The following AFP variants were observed in gnomAD, a reference collection of about 807,000 sequenced individuals.
AFP encodes alpha fetoprotein.
Under a neutral mutation model 78.9 loss-of-function variants are expected in AFP, and 64 were observed. The ratio of observed to expected loss-of-function variants is 0.81; its 90% CI spans 0.66 to 1.00. The LOEUF (loss-of-function observed/expected upper bound fraction) is 1.00, where lower values mean the gene tolerates loss of function less well. Among genes scored for constraint, AFP ranks in the 50% least tolerant of loss-of-function variants. AFP has a pLI of 0.00. For missense variants in AFP, 689 were observed against 703.8 expected (o/e 0.98, Z 0.24); for synonymous variants, 254 against 243.8 (o/e 1.04, Z -0.39).
At chr4:73,448,435 A>G (rs2149335636) in intron 8 of AFP, among the ~76,000 whole-genome samples, 1 of 152,284 alleles carries the variant, frequency 6.6e-6, no homozygotes, top group East Asian at 1.9e-4. Flanking sequence ...TAGTAATAAA[A>G]ATAAAGGCCC....
chr4:73,454,576 T>C (rs557577683), intron 13 of AFP, among the ~76,000 whole-genome samples: 51 of 152,298 alleles, frequency 3.3e-4, no homozygotes, highest in Middle Eastern at 3.4e-3. Flanking sequence ...AAATCTTTAG[T>C]TTGTATTGCT....
intron 1 of AFP, 68 bp downstream of exon 1, chr4:73,436,415 T>A: frequency 3.3e-6 from 3 of 906,934 alleles, no homozygotes; most frequent in African/African-American, 1.7e-5. Flanking sequence ...AAATTTGCAT[T>A]AATTTGTCTT....
intron 3 of AFP, among the ~76,000 whole-genome samples, chr4:73,439,161 T>C (rs1246309105): frequency 1.3e-5 from 2 of 152,196 alleles, no homozygotes; most frequent in African/African-American, 2.4e-5. Flanking sequence ...TATTTCATTG[T>C]AGAAGCTCAA....
chr4:73,451,962 T>G (rs914223986), intron 11 of AFP, among the ~76,000 whole-genome samples: 1 of 152,236 alleles, frequency 6.6e-6, no homozygotes, highest in Non-Finnish European at 1.5e-5. Context: ...TAGCTGCAAG[T>G]GTATACATGT....
chr4:73,440,887 A>G, intron 4 of AFP, 74 bp downstream of exon 4: 1 of 1,378,896 alleles, frequency 7.3e-7, no homozygotes, highest in Admixed American at 2.0e-5. Flanking sequence ...GTATTTTTGC[A>G]ATGTACTCAT....
intron 3 of AFP, among the ~76,000 whole-genome samples, chr4:73,439,592 TC>T (rs1360982735): frequency 6.6e-6 from 1 of 152,176 alleles, no homozygotes; most frequent in East Asian, 1.9e-4. Flanking sequence ...ACGTAAGCCT[TC>T]CAGGATTCTC....
At chr4:73,437,244 G>A (rs1361593122) in intron 2 of AFP, 33 bp downstream of exon 2, 1 of 1,536,300 alleles carries the variant, frequency 6.5e-7, no homozygotes, top group Non-Finnish European at 9.0e-7. Flanking sequence ...TACTTTAAAT[G>A]TGTAAAGCAA....
Position 73,440,080 on chromosome 4 carries a change from G to A in AFP, c.271-522G>A, listed in dbSNP as rs796836924. On this transcript the variant is annotated intron_variant, in intron 3 of 14. Transcript: ENST00000395792. Reference sequence around the variant, plus strand: ...TTAAATTTAAATTTAAAGTTCTGGTGTACACGGGCAGGATGAGCAGGTCTG... The same window carrying A: ...TTAAATTTAAATTTAAAGTTCTGGTATACACGGGCAGGATGAGCAGGTCTG... Among the ~76,000 whole-genome samples, 15 of 152,118 alleles carry A rather than the reference G, an allele frequency of 9.9e-5. 1 individual carries two copies. Among genetic ancestry groups the A allele is most frequent in the African/African-American group, 3.6e-4 (15 of 41,488 alleles).
chr4:73,445,152 A>AT, intron 7 of AFP, 30 bp downstream of exon 7: 1 of 1,612,156 alleles, frequency 6.2e-7, no homozygotes, highest in Non-Finnish European at 8.5e-7. Context: ...AAAATAGAAG[A>AT]TTTTCACTCC....
intron 1 of AFP, 142 bp downstream of exon 1, chr4:73,436,489 A>C: frequency 1.8e-6 from 1 of 568,072 alleles, no homozygotes; most frequent in South Asian, 2.5e-5. Flanking sequence ...GATATATTTA[A>C]ATGAAAGATA....
Position 73,437,953 on chromosome 4 carries a change from T to C in AFP, c.138-221T>C, listed in dbSNP as rs16849388. ...TGGGAAATCCACTTATTTTAGCCTT[T>C]AACATCTATATGTATATTTATGGCA... is the stretch of plus-strand genomic sequence containing the variant. On this transcript the variant is annotated intron_variant, in intron 2 of 14. Transcript: ENST00000395792. Among the ~76,000 whole-genome samples, 1,062 of 152,184 alleles carry C rather than the reference T, an allele frequency of 7.0e-3. 11 individuals carry two copies. The highest frequency in any genetic ancestry group is 0.025 in the African/African-American group (1,020 of 41,546).
Position 73,453,758 on chromosome 4 carries a change from AT to A in AFP, c.1653-6del. The A allele has an allele frequency of 1.9e-6, 3 of 1,613,160 alleles. No individual in the cohort carries two copies. The highest frequency in any genetic ancestry group is 2.5e-6 in the Non-Finnish European group (3 of 1,179,368). On this transcript the variant is annotated splice_polypyrimidine_tract_variant and splice_region_variant and intron_variant, in intron 12 of 14. Transcript: ENST00000395792. ...TCTCTTGTATTTTGTTTTGTTTTAA[AT>A]CACAGGTTTCTCATTAACCTTGTGA... is the stretch of plus-strand genomic sequence containing the variant.
At position 73,450,093 on chromosome 4, in the gene AFP, G is replaced by T; in HGVS notation, c.1249G>T (p.Gly417Cys). 6.2e-7 allele frequency: 1 copy of T among 1,613,698 alleles called. No homozygotes were observed. Among genetic ancestry groups the T allele is most frequent in the Non-Finnish European group, 8.5e-7 (1 of 1,179,730 alleles). The change falls in exon 10 of 15, where the codon GGC becomes TGC. Residue 417 changes from glycine to cysteine, a missense_variant. Physicochemically the swap from Gly to Cys is radical, Grantham distance 159 (BLOSUM62 -3). Coordinates refer to ENST00000395792, the MANE Select transcript of AFP (RefSeq NM_001134.3). ...CCAAGCATTGGCAAAGCGAAGCTGC[G>T]GCCTCTTCCAGAAACTAGGAGAATA... Reference protein sequence around the residue: ...ESQALAKRSCGLFQKLGEYYL... With the variant: ...ESQALAKRSCCLFQKLGEYYL...
At chr4:73,440,242 G>A (rs1352436570) in intron 3 of AFP, among the ~76,000 whole-genome samples, 2 of 151,906 alleles carry the variant, frequency 1.3e-5, no homozygotes, top group Non-Finnish European at 1.5e-5. Flanking sequence ...GCCCCAGTGT[G>A]TGCTGTTTCC....
At chr4:73,436,456 G>A (rs977056955) in intron 1 of AFP, 109 bp downstream of exon 1, 4 of 652,176 alleles carry the variant, frequency 6.1e-6, no homozygotes, top group Admixed American at 3.2e-5. Flanking sequence ...TATTCCACAT[G>A]GAGAAAAAAT....
At chr4:73,449,087 C>T (rs146022530) in intron 8 of AFP, among the ~76,000 whole-genome samples, 7 of 151,906 alleles carry the variant, frequency 4.6e-5, no homozygotes, top group South Asian at 2.1e-4. Context: ...ATATAAAGTC[C>T]GTAATTGAAA....
chr4:73,454,591 A>G (rs56247162), intron 13 of AFP, among the ~76,000 whole-genome samples: 20,646 of 152,160 alleles, frequency 0.14, 1,503 homozygotes, highest in South Asian at 0.18. Flanking sequence ...ATTGCTACAT[A>G]TATTTGAATA....
intron 2 of AFP, 106 bp from the exon 3 acceptor site, chr4:73,438,068 T>C (rs181531970): frequency 1.3e-5 from 20 of 1,492,288 alleles, no homozygotes; most frequent in Middle Eastern, 1.8e-4. Flanking sequence ...CTAAACAGAT[T>C]ACAACATAAA....
chr4:73,445,111 C>T lies in AFP; in HGVS notation c.832C>T (p.Leu278=). The T allele has an allele frequency of 6.2e-7, 1 of 1,613,922 alleles. No homozygotes were observed. Residue 278 remains leucine, a synonymous_variant, in exon 7 of 15, where the codon CTG becomes TTG. Transcript: ENST00000395792. Reference sequence around the variant, plus strand: ...TTGCAGAGGAGATGTGCTGGATTGTCTGCAGGATGGGGTGAAGAGTCTTGC... The same window carrying T: ...TTGCAGAGGAGATGTGCTGGATTGTTTGCAGGATGGGGTGAAGAGTCTTGC... ...HCCRGDVLDC[L]QDGEKIMSYI... is the part of the protein sequence containing the mutation.
Sources: gnomAD v4.1 joint callset for allele counts (sites outside exome capture counted in the v4.1 genomes callset) on GRCh38, gnomAD v4.1.1 for gene constraint, MANE v1.5 for transcripts, NCBI Gene and HGNC (gene_info 2026-07-23, HGNC 2026-07-21) for gene names.